AHI1: variants seen among roughly 807,000 people sequenced by gnomAD.
The protein encoded by AHI1 is Abelson helper integration site 1, also known as jouberin.
A neutral mutation model predicts 149.3 loss-of-function variants in AHI1; 123 were observed. The observed-to-expected ratio is 0.82, with a 90% CI of 0.71 to 0.96. AHI1 has a LOEUF of 0.96. Ranked by LOEUF, AHI1 falls within the 40% of genes least tolerant of loss-of-function variation. The pLI is 0.00. For missense variants in AHI1, 1,439 were observed against 1,422.7 expected (o/e 1.01, Z -0.18); for synonymous variants, 475 against 459.8 (o/e 1.03, Z -0.42).
At chr6:135,286,297 T>C (rs1781676466) in intron 28 of AHI1, 1 of 152,392 alleles carries the variant, frequency 6.6e-6, no homozygotes, top group Admixed American at 6.5e-5. Flanking sequence ...TTAGACAGCA[T>C]GTAGTATTTG....
chr6:135,371,701 T>C (rs1353971096), intron 23 of AHI1, among the ~76,000 whole-genome samples: 1 of 152,170 alleles, frequency 6.6e-6, no homozygotes, highest in African/African-American at 2.4e-5. Flanking sequence ...TATAGTTTAG[T>C]TTCTTTCGAA....
intron 5 of AHI1, among the ~76,000 whole-genome samples, chr6:135,478,841 C>T (rs1165891594): frequency 6.6e-6 from 1 of 152,228 alleles, no homozygotes; most frequent in South Asian, 2.1e-4. Context: ...ATGGGCCAGG[C>T]CCAGGGCCTC....
intron 24 of AHI1, 152 bp from the exon 25 acceptor site, chr6:135,323,476 G>A: frequency 1.5e-6 from 1 of 658,668 alleles, no homozygotes; most frequent in Non-Finnish European, 2.4e-6. Context: ...TGGGATGAGG[G>A]GTGGTGGGAA....
intron 24 of AHI1, among the ~76,000 whole-genome samples, chr6:135,328,436 G>A (rs1013983634): frequency 1.3e-5 from 2 of 151,248 alleles, no homozygotes; most frequent in South Asian, 4.2e-4. Context: ...CTGTTATGGT[G>A]ATCTATGATA....
chr6:135,409,554 A>G (rs1189465308), intron 21 of AHI1, among the ~76,000 whole-genome samples: 1 of 152,196 alleles, frequency 6.6e-6, no homozygotes, highest in East Asian at 1.9e-4. Context: ...ACAAGGGAAC[A>G]ATTCTTCCTT....
intron 24 of AHI1, among the ~76,000 whole-genome samples, chr6:135,326,240 T>G (rs1787664542): frequency 6.6e-6 from 1 of 152,150 alleles, no homozygotes. Flanking sequence ...AGGTAATTCA[T>G]GTTAAATGAA....
chr6:135,390,280 AAC>A (rs1473739373), intron 23 of AHI1, among the ~76,000 whole-genome samples: 2 of 152,218 alleles, frequency 1.3e-5, no homozygotes, highest in African/African-American at 4.8e-5. Flanking sequence ...AAAAAAGTCT[AAC>A]AATTGACAAA....
At chr6:135,386,362 G>C (rs981222355) in intron 23 of AHI1, among the ~76,000 whole-genome samples, 23 of 151,542 alleles carry the variant, frequency 1.5e-4, no homozygotes, top group African/African-American at 5.6e-4. Flanking sequence ...CCAGGCTGGA[G>C]TGCAGTGGCA....
At chr6:135,467,545 G>A (rs746338413) in intron 6 of AHI1, 36 bp downstream of exon 6, 2 of 1,544,610 alleles carry the variant, frequency 1.3e-6, no homozygotes, top group South Asian at 2.2e-5. Flanking sequence ...TGACTCTCAT[G>A]CTCTTCTTCA....
In AHI1 at chr6:135,466,111, T is replaced by A. The variant is rs1219216271; in HGVS notation, c.452A>T (p.Asp151Val). ...TGTATGTGTTTTCTGGTGTGTAGAA[T>A]CAACCTTATTCTCAGGAGTTTCCGG... is the stretch of plus-strand genomic sequence containing the variant. Reference protein sequence around the residue: ...LKPETPENKVDSTHQKTHTKP... With the variant: ...LKPETPENKVVSTHQKTHTKP... The change falls in exon 7 of 29, where the codon GAT (aspartate) becomes GTT (valine). Residue 151 changes from aspartate (D) to valine (V), a missense_variant. Asp to Val is a radical substitution (Grantham distance 152, BLOSUM62 -3). Coordinates refer to ENST00000265602, the MANE Select transcript of AHI1 (RefSeq NM_001134831.2). 1 of 1,613,830 alleles carries A rather than the reference T, an allele frequency of 6.2e-7. No homozygotes were observed. The highest frequency in any genetic ancestry group is 1.7e-5 in the Admixed American group (1 of 59,980).
chr6:135,411,560 C>A lies in AHI1; in HGVS notation c.2765-16G>T. On this transcript the variant is annotated splice_polypyrimidine_tract_variant and intron_variant, in intron 20 of 28. Coordinates refer to ENST00000265602, the MANE Select transcript of AHI1 (RefSeq NM_001134831.2). ...TGCTGGGCAACTGAAGAAATGAATC[C>A]ATAATTAGTTAAATCATCATAGCAA... 1 of 1,539,456 alleles carries A rather than the reference C, an allele frequency of 6.5e-7. No individual in the cohort carries two copies. Among genetic ancestry groups the A allele is most frequent in the South Asian group, 1.3e-5 (1 of 76,038 alleles).
chr6:135,388,390 TGA>T (rs903172239), intron 23 of AHI1, among the ~76,000 whole-genome samples: 36 of 152,346 alleles, frequency 2.4e-4, no homozygotes, highest in Admixed American at 9.8e-4. Flanking sequence ...CTGTGTTTAT[TGA>T]GAGTCATTCT....
chr6:135,484,916 C>T (rs1794247941), intron 5 of AHI1, among the ~76,000 whole-genome samples: 1 of 151,982 alleles, frequency 6.6e-6, no homozygotes, highest in Admixed American at 6.6e-5. Context: ...AACCAGCCAG[C>T]CATTTTTAAT....
At chr6:135,323,770 C>T (rs899645348) in intron 24 of AHI1, among the ~76,000 whole-genome samples, 2 of 152,070 alleles carry the variant, frequency 1.3e-5, no homozygotes, top group Admixed American at 1.3e-4. Flanking sequence ...GATTGTATTG[C>T]TTGGTTTACT....
At position 135,354,023 on chromosome 6, in the gene AHI1, G is replaced by A. The variant is rs58920301; in HGVS notation, c.3165+4109C>T. ...AATTAAAGGAATACTTAAGACACAT[G>A]GCAAGCGTTTCATAGTTGGTATAAT... On this transcript the variant is annotated intron_variant, in intron 24 of 28. Coordinates refer to ENST00000265602, the MANE Select transcript of AHI1 (RefSeq NM_001134831.2). Among the ~76,000 whole-genome samples, 624 of 152,162 alleles carry A rather than the reference G, an allele frequency of 4.1e-3. 1 individual carries two copies. The highest frequency in any genetic ancestry group is 0.014 in the African/African-American group (600 of 41,568).
intron 23 of AHI1, among the ~76,000 whole-genome samples, chr6:135,366,030 T>C (rs1473586489): frequency 2.0e-5 from 3 of 152,236 alleles, no homozygotes; most frequent in African/African-American, 4.8e-5. Flanking sequence ...GGACGCTGGA[T>C]TTTGTCAAAT....
intron 17 of AHI1, among the ~76,000 whole-genome samples, chr6:135,430,286 T>A (rs1019121749): frequency 6.6e-6 from 1 of 151,928 alleles, no homozygotes; most frequent in African/African-American, 2.4e-5. Flanking sequence ...AAGAAGTACT[T>A]CCAACAAACA....
At position 135,409,343 on chromosome 6, in the gene AHI1, C is replaced by T. The variant is rs531077228; in HGVS notation, c.2961+2005G>A. Among the ~76,000 whole-genome samples, 14 of 152,136 alleles carry T rather than the reference C, an allele frequency of 9.2e-5. No homozygotes were observed. In the South Asian group the frequency reaches 2.9e-3, roughly 32 times the overall value. On this transcript the variant is annotated intron_variant, in intron 21 of 28. Coordinates refer to ENST00000265602, the MANE Select transcript of AHI1 (RefSeq NM_001134831.2). ...ATTAATATTTTGGGAGAGGATCTTCCACTGCTTTTAAAATTAGTATGTTTT... is the reference window on the plus strand; with the variant it reads ...ATTAATATTTTGGGAGAGGATCTTCTACTGCTTTTAAAATTAGTATGTTTT...
intron 26 of AHI1, chr6:135,301,269 A>G: frequency 1.0e-6 from 1 of 983,288 alleles, no homozygotes; most frequent in South Asian, 4.7e-5. Flanking sequence ...TTCGTTTAAC[A>G]CTCACAAAGA....
Sources: allele counts gnomAD v4.1 joint callset (sites outside exome capture counted in the v4.1 genomes callset), GRCh38; gene constraint gnomAD v4.1.1; transcripts MANE v1.5; gene names NCBI Gene and HGNC (gene_info 2026-07-23, HGNC 2026-07-21).